The following FAR2 variants were observed in gnomAD, a reference collection of about 807,000 sequenced individuals.
FAR2 encodes fatty acyl-CoA reductase 2, also known as epididymis secretory protein Li 81.
Under a neutral mutation model 56.0 loss-of-function variants are expected in FAR2, and 19 were observed. The ratio of observed to expected loss-of-function variants is 0.34; its 90% CI spans 0.24 to 0.50. The LOEUF is 0.50. Ranked by LOEUF, FAR2 falls within the 20% of genes least tolerant of loss-of-function variation. The pLI is 0.98. For missense variants in FAR2, 508 were observed against 642.2 expected (o/e 0.79, Z 2.26); for synonymous variants, 219 against 218.8 (o/e 1.00, Z -0.01).
intron 10 of FAR2, among the ~76,000 whole-genome samples, chr12:29,327,400 CTACTT>C (rs1253912248): frequency 4.6e-4 from 70 of 152,280 alleles, no homozygotes; most frequent in African/African-American, 1.6e-3. Context: ...TTGGAAAAAA[CTACTT>C]TAAAGTTCAT....
At chr12:29,239,500 T>G (rs2136662060) in intron 1 of FAR2, among the ~76,000 whole-genome samples, 1 of 148,676 alleles carries the variant, frequency 6.7e-6, no homozygotes, top group South Asian at 2.2e-4. Context: ...CTTTGTGTCC[T>G]TTTACTCAAA....
intron 1 of FAR2, among the ~76,000 whole-genome samples, chr12:29,181,177 A>C (rs1277552427): frequency 6.6e-6 from 1 of 151,652 alleles, no homozygotes; most frequent in Admixed American, 6.6e-5. Context: ...CAGAGAGATA[A>C]ATTTTTAGAT....
chr12:29,295,756 ATTTTTTTTTT>A (rs61390530), intron 3 of FAR2, among the ~76,000 whole-genome samples: 2 of 88,384 alleles, frequency 2.3e-5, no homozygotes, highest in African/African-American at 4.6e-5. Context: ...TTTTTACGTA[ATTTTTTTTTT>A]TTTTTTTTTT....
chr12:29,230,454 C>T (rs573508181), intron 1 of FAR2, among the ~76,000 whole-genome samples: 1 of 151,968 alleles, frequency 6.6e-6, no homozygotes, highest in South Asian at 2.1e-4. Context: ...ATAGGAAATG[C>T]AATCAGAGAG....
chr12:29,150,643 C>T (rs1949674993), intron 1 of FAR2, among the ~76,000 whole-genome samples: 1 of 152,196 alleles, frequency 6.6e-6, no homozygotes, highest in African/African-American at 2.4e-5. Context: ...CAAGAGCAGG[C>T]ATTTCCGCAG....
At chr12:29,271,660 T>C (rs1948620598) in intron 2 of FAR2, among the ~76,000 whole-genome samples, 1 of 152,198 alleles carries the variant, frequency 6.6e-6, no homozygotes. Flanking sequence ...TACGATTTTG[T>C]TACAAACCAT....
intron 1 of FAR2, among the ~76,000 whole-genome samples, chr12:29,228,928 T>G (rs1947811899): frequency 6.6e-6 from 1 of 152,182 alleles, no homozygotes; most frequent in South Asian, 2.1e-4. Flanking sequence ...ACACGGAGAC[T>G]TAAGGTTTTG....
At chr12:29,277,033 A>T (rs1314607772) in intron 2 of FAR2, among the ~76,000 whole-genome samples, 1 of 152,160 alleles carries the variant, frequency 6.6e-6, no homozygotes, top group Non-Finnish European at 1.5e-5. Context: ...GCTAGAGTGC[A>T]GTGGCTCTAT....
At chr12:29,289,761 G>T (rs772211630) in intron 2 of FAR2, among the ~76,000 whole-genome samples, 1 of 152,158 alleles carries the variant, frequency 6.6e-6, no homozygotes, top group Non-Finnish European at 1.5e-5. Flanking sequence ...ACAAGCCACA[G>T]AATGGGGGAA....
intron 11 of FAR2, chr12:29,332,974 CT>C: frequency 1.8e-6 from 1 of 546,412 alleles, no homozygotes; most frequent in Admixed American, 2.4e-5. Context: ...CAGCAAATAA[CT>C]TGCCCATGGT....
intron 2 of FAR2, among the ~76,000 whole-genome samples, chr12:29,287,945 T>C (rs946801519): frequency 2.0e-5 from 3 of 152,200 alleles, no homozygotes; most frequent in African/African-American, 4.8e-5. Context: ...TCTTGATGTC[T>C]GACTACAGAA....
intron 1 of FAR2, among the ~76,000 whole-genome samples, chr12:29,172,438 G>A (rs923253866): frequency 5.3e-5 from 8 of 152,158 alleles, no homozygotes; most frequent in Non-Finnish European, 8.8e-5. Context: ...AGCCCTACCC[G>A]GTGATTGGCC....
At chr12:29,274,889 G>A (rs1227124687) in intron 2 of FAR2, among the ~76,000 whole-genome samples, 5 of 150,930 alleles carry the variant, frequency 3.3e-5, no homozygotes, top group Non-Finnish European at 5.9e-5. Context: ...CTGCACCCAG[G>A]TGAAATAAAC....
intron 1 of FAR2, among the ~76,000 whole-genome samples, chr12:29,238,688 C>T (rs962748260): frequency 1.3e-5 from 2 of 151,932 alleles, no homozygotes; most frequent in East Asian, 3.8e-4. Context: ...CATTTAATCC[C>T]GAGAAAAATG....
chr12:29,270,768 AAAC>A (rs1399556212), intron 2 of FAR2, 130 bp downstream of exon 2: 3 of 713,108 alleles, frequency 4.2e-6, no homozygotes, highest in Non-Finnish European at 6.2e-6. Flanking sequence ...AAGGCAGACA[AAAC>A]AAGACAGCAA....
chr12:29,305,499 T>TA (rs1446806410), intron 4 of FAR2, among the ~76,000 whole-genome samples: 1 of 152,184 alleles, frequency 6.6e-6, no homozygotes, highest in African/African-American at 2.4e-5. Context: ...GTTGTTTTAT[T>TA]AAAAAATAAC....
chr12:29,302,662 C>G (rs951061511), intron 4 of FAR2, among the ~76,000 whole-genome samples: 1 of 152,128 alleles, frequency 6.6e-6, no homozygotes, highest in Non-Finnish European at 1.5e-5. Flanking sequence ...CATGTGTGCG[C>G]ATGCATTTTT....
intron 2 of FAR2, among the ~76,000 whole-genome samples, chr12:29,292,064 T>C (rs1948977282): frequency 6.6e-6 from 1 of 152,220 alleles, no homozygotes; most frequent in South Asian, 2.1e-4. Context: ...AAAATTGTAA[T>C]GATCTCCTGA....
chr12:29,317,728 C>T (rs955377332), intron 9 of FAR2: 6 of 152,570 alleles, frequency 3.9e-5, no homozygotes, highest in Non-Finnish European at 5.9e-5. Context: ...CTGTGGCACT[C>T]GTGGGGCTAA....
Sources: allele counts gnomAD v4.1 joint callset (sites outside exome capture counted in the v4.1 genomes callset), GRCh38; gene constraint gnomAD v4.1.1; transcripts MANE v1.5; gene names NCBI Gene and HGNC (gene_info 2026-07-23, HGNC 2026-07-21).